The following PEX6 variants were observed in gnomAD, a reference collection of about 807,000 sequenced individuals.
PEX6 encodes peroxisomal biogenesis factor 6, also known as peroxisome biogenesis factor 6.
Under a neutral mutation model 85.6 loss-of-function variants are expected in PEX6, and 55 were observed. The observed-to-expected ratio is 0.64, with a 90% CI of 0.52 to 0.80. PEX6 has a LOEUF of 0.80. Ranked by LOEUF, PEX6 falls within the 30% of genes least tolerant of loss-of-function variation. The pLI is 0.00. For missense variants in PEX6, 1,099 were observed against 1,260.3 expected (o/e 0.87, Z 1.94); for synonymous variants, 519 against 549.1 (o/e 0.95, Z 0.77).
rs1389448298 is a variant in PEX6 at position 42,965,410 on chromosome 6, C to T, written c.2472-42G>A. 9 of 1,422,562 alleles carry T rather than the reference C, an allele frequency of 6.3e-6. No individual in the cohort carries two copies. Among genetic ancestry groups the T allele is most frequent in the Admixed American group, 1.7e-5 (1 of 59,772 alleles). The allele number at this position is 1,422,562 out of a possible 1,614,324, so 88.1% of individuals were successfully genotyped here. On this transcript the variant is annotated intron_variant, in intron 13 of 16. Transcript: ENST00000304611. This position sits in a 1 kb window ranked among gnomAD's most constrained non-coding sequence, Gnocchi z 5.0. ...AAGGGCAAGAGTCCTTGGTGTCCCC[C>T]TTAGACTCTGCCCCTGCCTGTGGTA...
chr6:42,964,718 T>C lies in PEX6; in HGVS notation c.2806+72A>G. ...GATCCTCCCACCTCAGCCTCTCAAG[T>C]AGCTGGGACTCAGGTGCACCCAGCT... On this transcript the variant is annotated intron_variant, in intron 16 of 16. Transcript: ENST00000304611. The surrounding 1 kb of genome is among the most constrained non-coding windows in gnomAD (Gnocchi z 4.6). 6.3e-7 allele frequency: 1 copy of C among 1,584,686 alleles called. No individual in the cohort carries two copies. Among genetic ancestry groups the C allele is most frequent in the South Asian group, 1.1e-5 (1 of 90,178 alleles).
Position 42,964,370 on chromosome 6 carries a change from A to G in PEX6, c.2908T>C (p.Tyr970His), listed in dbSNP as rs558323069. The change falls in exon 17 of 17, where the codon TAC becomes CAC. Residue 970 changes from tyrosine to histidine, a missense_variant. By Grantham distance (83) the Tyr-to-His change is moderately conservative (BLOSUM62 2). This residue lies in a region of PEX6 where 514 missense variants were observed against 627.0 expected (regional missense o/e 0.82). Coordinates refer to ENST00000304611, the MANE Select transcript of PEX6 (RefSeq NM_000287.4). This position sits in a 1 kb window ranked among gnomAD's most constrained non-coding sequence, Gnocchi z 4.6. ...GCAAACTTGCGCTGGATGCGCTTGT[A>G]CCGGAGCAGCTCCTGCTCACTGACT... is the stretch of plus-strand genomic sequence containing the variant. Reference protein sequence around the residue: ...PSVSEQELLRYKRIQRKFAAC With the variant: ...PSVSEQELLRHKRIQRKFAAC 1.5e-5 allele frequency: 25 copies of G among 1,613,726 alleles called. No individual in the cohort carries two copies. In the South Asian group the frequency reaches 2.1e-4, roughly 13 times the overall value.
Position 42,968,359 on chromosome 6 carries a change from C to T in PEX6, c.1619G>A (p.Gly540Glu). 2 of 1,614,180 alleles carry T rather than the reference C, an allele frequency of 1.2e-6. No homozygotes were observed. ...CATCACACGGGCATCCTCACCCAGCCCATCACGGTCCCGGCCCAGAAGGTC... is the reference window on the plus strand; with the variant it reads ...CATCACACGGGCATCCTCACCCAGCTCATCACGGTCCCGGCCCAGAAGGTC... ...AVDLLGRDRD[G>E]LGEDARVMAV... The change falls in exon 7 of 17, where the codon GGG becomes GAG. Residue 540 changes from glycine (G) to glutamate (E), a missense_variant. Physicochemically the swap from Gly to Glu is moderately conservative, Grantham distance 98. Around this residue, in one of 3 missense-constraint regions of PEX6, gnomAD observed 514 missense variants for 627.0 expected, o/e 0.82. Transcript: ENST00000304611.
Position 42,967,464 on chromosome 6 carries a change from C to G in PEX6, c.1788G>C (p.Leu596=), listed in dbSNP as rs2114242620. ...AFPHELEVPA[L]SEGQRLSILR... is the part of the protein sequence containing the mutation. ...GGATGCTGAGCCGCTGCCCCTCTGACAGAGCAGGCACCTCGAGCTCATGAG... is the reference window on the plus strand; with the variant it reads ...GGATGCTGAGCCGCTGCCCCTCTGAGAGAGCAGGCACCTCGAGCTCATGAG... Residue 596 remains leucine, a synonymous_variant, in exon 8 of 17, where the codon CTG becomes CTC. Transcript: ENST00000304611. 6.2e-7 allele frequency: 1 copy of G among 1,612,306 alleles called. No homozygotes were observed. The highest frequency in any genetic ancestry group is 8.5e-7 in the Non-Finnish European group (1 of 1,179,412).
chr6:42,978,753 A>G lies in PEX6; in HGVS notation c.398T>C (p.Val133Ala), dbSNP rs1203302351. 6.5e-7 allele frequency: 1 copy of G among 1,534,916 alleles called. No homozygotes were observed. The highest frequency in any genetic ancestry group is 2.4e-5 in the East Asian group (1 of 40,950). The change falls in exon 1 of 17, where the codon GTG becomes GCG. Residue 133 changes from valine (V) to alanine (A), a missense_variant. Val to Ala is a moderately conservative substitution (Grantham distance 64). Transcript: ENST00000304611. Reference protein sequence around the residue: ...LLVRRGETLPVPGPRVLETRP... With the variant: ...LLVRRGETLPAPGPRVLETRP... ...CGTCTCCAGCACCCGCGGTCCGGGC[A>G]CTGGGAGGGTCTCTCCGCGCCTCAC...
In PEX6 at chr6:42,978,541, A is replaced by C; in HGVS notation, c.610T>G (p.Ser204Ala). The C allele has an allele frequency of 6.2e-7, 1 of 1,613,812 alleles. No homozygotes were observed. The highest frequency in any genetic ancestry group is 8.5e-7 in the Non-Finnish European group (1 of 1,179,998). Residue 204 changes from serine to alanine, a missense_variant, in exon 1 of 17, where the codon TCA (serine) becomes GCA (alanine). By Grantham distance (99) the Ser-to-Ala change is moderately conservative. Coordinates refer to ENST00000304611, the MANE Select transcript of PEX6 (RefSeq NM_000287.4). ...LQGVLGGTGD[S>A]LGVSRSCLRG... ...AGACAGCTCCGGCTCACCCCTAGTG[A>C]ATCTCCAGTCCCTCCCAGAACTCCC...
chr6:42,966,828 G>A lies in PEX6; in HGVS notation c.1915C>T (p.Leu639=), dbSNP rs1561821196. 6.2e-7 allele frequency: 1 copy of A among 1,613,542 alleles called. No homozygotes were observed. The highest frequency in any genetic ancestry group is 8.5e-7 in the Non-Finnish European group (1 of 1,180,024). Residue 639 remains leucine, a synonymous_variant, in exon 9 of 17, where the codon CTG becomes TTG. Coordinates refer to ENST00000304611, the MANE Select transcript of PEX6 (RefSeq NM_000287.4). ...CAGGCTGCCCGGCTGCTGTGGGTCA[G>A]AAGGGCATAGAGATCCCCTACCACA... ...GFVVGDLYAL[L]THSSRAACTR...
intron 3 of PEX6, among the ~76,000 whole-genome samples, chr6:42,972,079 C>G (rs1770072131): frequency 7.1e-6 from 1 of 140,230 alleles, no homozygotes; most frequent in African/African-American, 2.8e-5. Flanking sequence ...CTGGCCAGAA[C>G]CAAGCACTGG....
rs554104839 is a variant in PEX6 at position 42,978,863 on chromosome 6, C to A, written c.288G>T (p.Ala96=). The change falls in exon 1 of 17, where the codon GCG becomes GCT. Residue 96 remains alanine, a synonymous_variant. Transcript: ENST00000304611. ...LGSGAWVRAR[A]VRRPPALGWA... Reference sequence around the variant, plus strand: ...AACCTAGCGCCGGGGGCCGCCGCACCGCCCGCGCCCGCACCCAGGCCCCGG... The same window carrying A: ...AACCTAGCGCCGGGGGCCGCCGCACAGCCCGCGCCCGCACCCAGGCCCCGG... 4.0e-6 allele frequency: 6 copies of A among 1,494,426 alleles called. No individual in the cohort carries two copies. The highest frequency in any genetic ancestry group is 2.9e-5 in the African/African-American group (2 of 68,774). The allele number at this position is 1,494,426 out of a possible 1,614,324, so 92.6% of individuals were successfully genotyped here.
At position 42,964,564 on chromosome 6, in the gene PEX6, A is replaced by C; in HGVS notation, c.2807-93T>G. The stretch of plus-strand genomic sequence containing the variant: ...TCCTGCTCAGGGTCTCCTAGATGTC[A>C]ATGATCTTCCCTCTGGAATCCAGGA... On this transcript the variant is annotated intron_variant, in intron 16 of 16. Coordinates refer to ENST00000304611, the MANE Select transcript of PEX6 (RefSeq NM_000287.4). This position sits in a 1 kb window ranked among gnomAD's most constrained non-coding sequence, Gnocchi z 4.6. 1.4e-6 allele frequency: 2 copies of C among 1,477,228 alleles called. No individual in the cohort carries two copies. Among genetic ancestry groups the C allele is most frequent in the Non-Finnish European group, 1.9e-6 (2 of 1,061,480 alleles). The allele number at this position is 1,477,228 out of a possible 1,614,324, so 91.5% of individuals were successfully genotyped here.
rs1366255179 is a variant in PEX6 at position 42,965,327 on chromosome 6, C to T, written c.2513G>A (p.Ser838Asn). 2 of 1,614,144 alleles carry T rather than the reference C, an allele frequency of 1.2e-6. No individual in the cohort carries two copies. The highest frequency in any genetic ancestry group is 2.2e-5 in the East Asian group (1 of 44,878). Residue 838 changes from serine to asparagine, a missense_variant, in exon 14 of 17, where the codon AGC becomes AAC. This residue lies in a region of PEX6 where 514 missense variants were observed against 627.0 expected (regional missense o/e 0.82). Coordinates refer to ENST00000304611, the MANE Select transcript of PEX6 (RefSeq NM_000287.4). This position sits in a 1 kb window ranked among gnomAD's most constrained non-coding sequence, Gnocchi z 5.0. The stretch of plus-strand genomic sequence containing the variant: ...TCCAATCACAAACACATCCTGAGTG[C>T]TGTGCAGCCCATCTAGCTCGGCAAG... ...QLLAELDGLH[S>N]TQDVFVIGAT...
chr6:42,974,917 C>G lies in PEX6; in HGVS notation c.1004G>C (p.Gly335Ala). The G allele has an allele frequency of 6.2e-7, 1 of 1,614,016 alleles. No homozygotes were observed. The highest frequency in any genetic ancestry group is 8.5e-7 in the Non-Finnish European group (1 of 1,179,944). Residue 335 changes from glycine (G) to alanine (A), a missense_variant, in exon 2 of 17, where the codon GGA becomes GCA. Physicochemically the swap from Gly to Ala is moderately conservative, Grantham distance 60. Coordinates refer to ENST00000304611, the MANE Select transcript of PEX6 (RefSeq NM_000287.4). ...CCGGTAAAGAACACCGTCATAATTTCCATTAGTGCTGTAGTGGGGAGAAGA... is the reference window on the plus strand; with the variant it reads ...CCGGTAAAGAACACCGTCATAATTTGCATTAGTGCTGTAGTGGGGAGAAGA... ...IVSSPHYSTNGNYDGVLYRHF... is the reference protein window; with the variant it reads ...IVSSPHYSTNANYDGVLYRHF...
At position 42,966,259 on chromosome 6, in the gene PEX6, G is replaced by A. The variant is rs1160719149; in HGVS notation, c.2283C>T (p.Cys761=). ...TLLAKAVATE[C]SLTFLSVKGP... is the part of the protein sequence containing the mutation. ...CTGGCCACCTGAGGAAGGTAAGGCT[G>A]CACTCAGTGGCTACTGCCTTGGCCA... The change falls in exon 11 of 17, where the codon TGC becomes TGT. Residue 761 remains cysteine (C), a synonymous_variant. Coordinates refer to ENST00000304611, the MANE Select transcript of PEX6 (RefSeq NM_000287.4). The A allele has an allele frequency of 6.2e-7, 1 of 1,612,100 alleles. No homozygotes were observed.
chr6:42,967,446 G>T lies in PEX6; in HGVS notation c.1806C>A (p.Leu602=). 1 of 1,612,812 alleles carries T rather than the reference G, an allele frequency of 6.2e-7. No homozygotes were observed. Among genetic ancestry groups the T allele is most frequent in the Non-Finnish European group, 8.5e-7 (1 of 1,179,718 alleles). Residue 602 remains leucine (L), a synonymous_variant, in exon 8 of 17, where the codon CTC becomes CTA. Coordinates refer to ENST00000304611, the MANE Select transcript of PEX6 (RefSeq NM_000287.4). The part of the protein sequence containing the change: ...EVPALSEGQR[L]SILRALTAHL... ...GGGCAGTGAGGGCCCGCAGGATGCTGAGCCGCTGCCCCTCTGACAGAGCAG... is the reference window on the plus strand; with the variant it reads ...GGGCAGTGAGGGCCCGCAGGATGCTTAGCCGCTGCCCCTCTGACAGAGCAG...
In PEX6 at chr6:42,965,463, G is replaced by T; in HGVS notation, c.2472-95C>A. The T allele has an allele frequency of 9.8e-7, 1 of 1,024,576 alleles. No homozygotes were observed. 63.5% of individuals were successfully genotyped at this position (1,024,576 alleles called of 1,614,324 possible). On this transcript the variant is annotated intron_variant, in intron 13 of 16. Coordinates refer to ENST00000304611, the MANE Select transcript of PEX6 (RefSeq NM_000287.4). The surrounding 1 kb of genome is among the most constrained non-coding windows in gnomAD (Gnocchi z 5.0). ...TCTCTTTACAGGCAGTCTCAACAGG[G>T]CCCTCCACTCAGCTGTGCCCAATGT...
chr6:42,970,727 T>C (rs1770032320), intron 3 of PEX6, among the ~76,000 whole-genome samples: 1 of 152,226 alleles, frequency 6.6e-6, no homozygotes. Flanking sequence ...GTGAATTTTA[T>C]GTTTTTAAAA....
In PEX6 at chr6:42,965,644, T is replaced by C. The variant is rs772811890; in HGVS notation, c.2471+37A>G. On this transcript the variant is annotated intron_variant, in intron 13 of 16. Transcript: ENST00000304611. This position sits in a 1 kb window ranked among gnomAD's most constrained non-coding sequence, Gnocchi z 5.0. ...GAGCTTTCTCATATCCTTCCCACCC[T>C]GGACCCCTCAGCTTTCATTCCCACT... The C allele has an allele frequency of 2.8e-6, 4 of 1,425,480 alleles. No homozygotes were observed. In the South Asian group the frequency reaches 3.4e-5, roughly 12 times the overall value. The allele number at this position is 1,425,480 out of a possible 1,614,324, so 88.3% of individuals were successfully genotyped here.
rs1385021965 is a variant in PEX6 at position 42,968,433 on chromosome 6, G to A, written c.1545C>T (p.Phe515=). The A allele has an allele frequency of 3.7e-6, 6 of 1,610,860 alleles. No homozygotes were observed. Among genetic ancestry groups the A allele is most frequent in the Admixed American group, 1.7e-5 (1 of 59,382 alleles). The change falls in exon 7 of 17, where the codon TTC becomes TTT. Residue 515 remains phenylalanine (F), a synonymous_variant. Transcript: ENST00000304611. ...GAVETKLQAI[F]SRARRCRPAV... ...CAGGCCGGCAACGGCGGGCCCGGGA[G>A]AAGATGGCCTGCAGTTTTGTCTCCA... is the stretch of plus-strand genomic sequence containing the variant.
At position 42,964,349 on chromosome 6, in the gene PEX6, A is replaced by C; in HGVS notation, c.2929T>G (p.Phe977Val). ...CTGGGGGGCTCCTAGCAGGCAGCAA[A>C]CTTGCGCTGGATGCGCTTGTACCGG... is the stretch of plus-strand genomic sequence containing the variant. ...LLRYKRIQRK[F>V]AAC Residue 977 changes from phenylalanine (F) to valine (V), a missense_variant, in exon 17 of 17, where the codon TTT (phenylalanine) becomes GTT (valine). Around this residue, in one of 3 missense-constraint regions of PEX6, gnomAD observed 514 missense variants for 627.0 expected, o/e 0.82. Transcript: ENST00000304611. The surrounding 1 kb of genome is among the most constrained non-coding windows in gnomAD (Gnocchi z 4.6). 1.2e-6 allele frequency: 2 copies of C among 1,613,736 alleles called. No individual in the cohort carries two copies. The highest frequency in any genetic ancestry group is 1.1e-5 in the South Asian group (1 of 91,082).
Sources: allele counts gnomAD v4.1 joint callset (sites outside exome capture counted in the v4.1 genomes callset), GRCh38; gene constraint gnomAD v4.1.1; regional missense constraint gnomAD v4.1.1; non-coding constraint Gnocchi (gnomAD v3.1); transcripts MANE v1.5; gene names NCBI Gene and HGNC (gene_info 2026-07-23, HGNC 2026-07-21).